OXR1: variants seen among roughly 807,000 people sequenced by gnomAD.
The protein encoded by OXR1 is oxidation resistance protein 1.
In OXR1, 41 loss-of-function variants were observed where a neutral mutation model predicts 104.6. That is an observed-to-expected ratio of 0.39 (90% CI 0.31 to 0.51). The LOEUF is 0.51. OXR1 is among the 20% of genes least tolerant of loss of function. The pLI, the probability that OXR1 is intolerant of heterozygous loss-of-function variation, is 0.77. For synonymous variants in OXR1, 348 were observed against 348.4 expected (o/e 1.00, Z 0.01); for missense variants, 955 against 1,031.9 (o/e 0.93, Z 1.02).
chr8:106,563,421 A>G (rs891891634), intron 3 of OXR1, among the ~76,000 whole-genome samples: 2 of 152,226 alleles, frequency 1.3e-5, no homozygotes, highest in African/African-American at 4.8e-5. Context: ...AAAGGTATCA[A>G]TGCAACAAGA....
chr8:106,541,014 A>G (rs1349496115), intron 3 of OXR1, among the ~76,000 whole-genome samples: 1 of 152,202 alleles, frequency 6.6e-6, no homozygotes, highest in East Asian at 1.9e-4. Flanking sequence ...ATCCTGATTT[A>G]AATCCAGGCT....
At chr8:106,742,368 C>T (rs377107053) in intron 15 of OXR1, 51 bp downstream of exon 15, 10 of 996,398 alleles carry the variant, frequency 1.0e-5, no homozygotes, top group African/African-American at 1.6e-5. Flanking sequence ...ACATAACATA[C>T]TGCCCAAAGC....
intron 2 of OXR1, among the ~76,000 whole-genome samples, chr8:106,433,123 T>C (rs1437247807): frequency 6.6e-6 from 1 of 152,124 alleles, no homozygotes; most frequent in Non-Finnish European, 1.5e-5. Flanking sequence ...AGTTTCCCCA[T>C]TTGGGGATCA....
chr8:106,496,424 A>G (rs1220724013), intron 2 of OXR1, among the ~76,000 whole-genome samples: 4 of 152,192 alleles, frequency 2.6e-5, no homozygotes, highest in Admixed American at 6.5e-5. Context: ...TGTAAAATAC[A>G]TGGTTTATTT....
intron 7 of OXR1, chr8:106,697,937 G>A: frequency 6.2e-7 from 1 of 1,612,350 alleles, no homozygotes; most frequent in East Asian, 2.2e-5. Flanking sequence ...ATCTGCTCCA[G>A]ATCTGCATCA....
intron 2 of OXR1, among the ~76,000 whole-genome samples, chr8:106,490,893 A>G (rs1443546832): frequency 6.6e-6 from 1 of 152,126 alleles, no homozygotes; most frequent in African/African-American, 2.4e-5. Context: ...GCCCTATAGC[A>G]TTATGGAGGG....
At chr8:106,378,743 A>G (rs1817008986) in intron 2 of OXR1, among the ~76,000 whole-genome samples, 1 of 152,156 alleles carries the variant, frequency 6.6e-6, no homozygotes, top group African/African-American at 2.4e-5. Flanking sequence ...TCCTGACCTC[A>G]GGTGATCCAC....
At chr8:106,702,078 G>T (rs1830630935) in intron 7 of OXR1, among the ~76,000 whole-genome samples, 1 of 152,020 alleles carries the variant, frequency 6.6e-6, no homozygotes, top group Non-Finnish European at 1.5e-5. Context: ...CAAGCGATTT[G>T]CATGCCTAAG....
chr8:106,460,115 C>T (rs1282827375), intron 2 of OXR1, among the ~76,000 whole-genome samples: 2 of 152,136 alleles, frequency 1.3e-5, no homozygotes, highest in Non-Finnish European at 2.9e-5. Context: ...TGGTCCTAGC[C>T]TTAGGAATTT....
intron 3 of OXR1, among the ~76,000 whole-genome samples, chr8:106,613,232 C>T (rs774666551): frequency 2.0e-5 from 3 of 152,100 alleles, no homozygotes; most frequent in Non-Finnish European, 4.4e-5. Flanking sequence ...GCTGAATCGC[C>T]AGTAACCCGA....
chr8:106,293,588 G>T (rs912408997), intron 1 of OXR1, among the ~76,000 whole-genome samples: 1 of 152,154 alleles, frequency 6.6e-6, no homozygotes, highest in African/African-American at 2.4e-5. Context: ...CAGAATATCT[G>T]AGACTGGATA....
intron 11 of OXR1, among the ~76,000 whole-genome samples, chr8:106,719,958 A>G (rs1034082333): frequency 1.1e-4 from 16 of 152,042 alleles, no homozygotes; most frequent in South Asian, 2.1e-4. Flanking sequence ...GGCGCCCGCC[A>G]CCACGCCCGG....
chr8:106,649,944 C>T (rs970211915), intron 3 of OXR1, among the ~76,000 whole-genome samples: 2 of 152,146 alleles, frequency 1.3e-5, no homozygotes, highest in Non-Finnish European at 2.9e-5. Context: ...GATCCGCCCA[C>T]CTTGGCCTCC....
intron 2 of OXR1, among the ~76,000 whole-genome samples, chr8:106,516,131 CACAT>C (rs1364628541): frequency 6.6e-6 from 1 of 152,086 alleles, no homozygotes; most frequent in Non-Finnish European, 1.5e-5. Context: ...CCACTAACAT[CACAT>C]ACAAGTCTAT....
chr8:106,638,535 A>G (rs952022860), intron 3 of OXR1, among the ~76,000 whole-genome samples: 5 of 152,182 alleles, frequency 3.3e-5, no homozygotes, highest in Non-Finnish European at 5.9e-5. Context: ...ATTTCTTACA[A>G]GTTCTAAGAT....
chr8:106,483,493 T>C (rs1226906635), intron 2 of OXR1, among the ~76,000 whole-genome samples: 1 of 151,874 alleles, frequency 6.6e-6, no homozygotes, highest in African/African-American at 2.4e-5. Context: ...GCCTAGAAGT[T>C]TGAGGCAAGC....
intron 3 of OXR1, among the ~76,000 whole-genome samples, chr8:106,586,015 GT>G (rs1818602780): frequency 6.6e-6 from 1 of 152,176 alleles, no homozygotes; most frequent in African/African-American, 2.4e-5. Context: ...CTGGGCTAGA[GT>G]TTTTACTCCC....
At chr8:106,651,563 G>C (rs1563669518) in intron 3 of OXR1, among the ~76,000 whole-genome samples, 2 of 152,064 alleles carry the variant, frequency 1.3e-5, no homozygotes, top group Non-Finnish European at 2.9e-5. Context: ...AAATCAGTCT[G>C]TTTTCCCTAA....
At chr8:106,581,163 G>A in intron 3 of OXR1, 1 of 1,275,384 alleles carries the variant, frequency 7.8e-7, no homozygotes, top group Non-Finnish European at 1.0e-6. Flanking sequence ...CGGTGAAATA[G>A]CAAGAACATT....
Sources: allele counts gnomAD v4.1 joint callset (sites outside exome capture counted in the v4.1 genomes callset), GRCh38; gene constraint gnomAD v4.1.1; transcripts MANE v1.5; gene names NCBI Gene and HGNC (gene_info 2026-07-23, HGNC 2026-07-21).